FBXL17: variants seen among roughly 807,000 people sequenced by gnomAD.
FBXL17 encodes the protein F-box/LRR-repeat protein 17.
Under a neutral mutation model 66.2 loss-of-function variants are expected in FBXL17, and 22 were observed. That is an observed-to-expected ratio of 0.33 (90% confidence interval 0.24 to 0.47). The LOEUF (loss-of-function observed/expected upper bound fraction) is 0.47. Among genes scored for constraint, FBXL17 ranks in the 20% least tolerant of loss-of-function variants. FBXL17 has a pLI of 1.00. For synonymous variants in FBXL17, 474 were observed against 400.5 expected, an observed-to-expected ratio of 1.18 and a Z score of -2.19; for missense variants, 878 against 948.2, an observed-to-expected ratio of 0.93 and a Z score of 0.97.
At position 108,340,603 on chromosome 5, in the gene FBXL17, T is replaced by C. The variant is rs78750683; in HGVS notation, c.1506+7796A>G. Among the ~76,000 whole-genome samples, 1,205 of 152,246 alleles carry C rather than the reference T, an allele frequency of 7.9e-3. 9 individuals carry two copies. Among genetic ancestry groups the C allele is most frequent in the Middle Eastern group, 0.02 (6 of 294 alleles). ...CATTAGTGACTTTGGCTGGATAAAT[T>C]TGATACATAAAGAATGGCATCATTA... is the stretch of plus-strand genomic sequence containing the variant. On this transcript the variant is annotated intron_variant, in intron 4 of 8. Transcript: ENST00000542267.
chr5:108,257,661 G>A lies in FBXL17; in HGVS notation c.1507-33433C>T, dbSNP rs115334539. ...GAGGCAGTGACTAAATCCTTTCCAG[G>A]TTCACAGATACTAAAGTGGCAGAAC... On this transcript the variant is annotated intron_variant, in intron 4 of 8. Coordinates refer to ENST00000542267, the MANE Select transcript of FBXL17 (RefSeq NM_001163315.3). Among the ~76,000 whole-genome samples the A allele has an allele frequency of 7.2e-3, 1,095 of 152,108 alleles. 10 individuals carry two copies. The highest frequency in any genetic ancestry group is 0.025 in the African/African-American group (1,024 of 41,476).
At chr5:108,273,016 G>C (rs1365749444) in intron 4 of FBXL17, among the ~76,000 whole-genome samples, 1 of 152,092 alleles carries the variant, frequency 6.6e-6, no homozygotes, top group Non-Finnish European at 1.5e-5. Flanking sequence ...GCATCCGGGG[G>C]AGACATCACA....
intron 6 of FBXL17, among the ~76,000 whole-genome samples, chr5:108,054,453 C>T (rs1157977781): frequency 1.3e-5 from 2 of 152,012 alleles, no homozygotes; most frequent in Non-Finnish European, 2.9e-5. Context: ...AGAGTTTCCA[C>T]TGACAGCTCT....
intron 6 of FBXL17, among the ~76,000 whole-genome samples, chr5:108,025,610 A>C (rs1028079325): frequency 6.6e-6 from 1 of 152,050 alleles, no homozygotes; most frequent in South Asian, 2.1e-4. Context: ...TCTTGAAACT[A>C]AACAAGCCAA....
intron 1 of FBXL17, among the ~76,000 whole-genome samples, chr5:108,378,532 G>C (rs1298008404): frequency 6.6e-6 from 1 of 152,102 alleles, no homozygotes; most frequent in Admixed American, 6.5e-5. Flanking sequence ...AAGAAAAATT[G>C]TCATAGCTCC....
intron 4 of FBXL17, among the ~76,000 whole-genome samples, chr5:108,288,888 CTT>C (rs1335370945): frequency 1.3e-5 from 2 of 152,058 alleles, no homozygotes; most frequent in African/African-American, 4.8e-5. Context: ...TTTAAAAACA[CTT>C]TTAATTACTT....
intron 7 of FBXL17, among the ~76,000 whole-genome samples, chr5:107,963,198 G>T (rs1751985486): frequency 6.6e-6 from 1 of 152,086 alleles, no homozygotes; most frequent in Non-Finnish European, 1.5e-5. Context: ...GATTAGTCGA[G>T]GCATTAGAAG....
intron 6 of FBXL17, among the ~76,000 whole-genome samples, chr5:108,141,482 A>G (rs1173985791): frequency 6.6e-6 from 1 of 152,210 alleles, no homozygotes; most frequent in Non-Finnish European, 1.5e-5. Flanking sequence ...GTAACCCCAG[A>G]GTCTCAAACC....
intron 6 of FBXL17, among the ~76,000 whole-genome samples, chr5:108,088,615 C>T (rs1749062230): frequency 7.4e-6 from 1 of 135,802 alleles, no homozygotes; most frequent in Non-Finnish European, 1.5e-5. Flanking sequence ...GCAGGAGAAT[C>T]GCTTAAACTT....
At position 108,332,796 on chromosome 5, in the gene FBXL17, T is replaced by C. The variant is rs148816071; in HGVS notation, c.1506+15603A>G. On this transcript the variant is annotated intron_variant, in intron 4 of 8. Coordinates refer to ENST00000542267, the MANE Select transcript of FBXL17 (RefSeq NM_001163315.3). ...CTAATTCTTGTATTTTTAGTAGAGA[T>C]GGAGTTTCGCCATGTTTGACCAGGC... Among the ~76,000 whole-genome samples, 476 of 151,990 alleles carry C rather than the reference T, an allele frequency of 3.1e-3. 5 individuals carry two copies. Among genetic ancestry groups the C allele is most frequent in the African/African-American group, 0.011 (455 of 41,480 alleles).
chr5:108,127,778 T>C (rs543088408), intron 6 of FBXL17, among the ~76,000 whole-genome samples: 8 of 152,154 alleles, frequency 5.3e-5, no homozygotes, highest in Admixed American at 3.3e-4. Flanking sequence ...ATGAAATTAA[T>C]CTAATAAAAA....
chr5:108,001,688 G>A (rs1753736642), intron 7 of FBXL17, among the ~76,000 whole-genome samples: 1 of 151,898 alleles, frequency 6.6e-6, no homozygotes, highest in Admixed American at 6.6e-5. Flanking sequence ...TTCTAGTAGA[G>A]ACGGGGTCTC....
chr5:108,121,051 C>A (rs778623953), intron 6 of FBXL17, among the ~76,000 whole-genome samples: 1 of 152,072 alleles, frequency 6.6e-6, no homozygotes. Context: ...TCTTTTTGGC[C>A]GAGTGCGGTG....
rs146706696 is a variant in FBXL17 at position 108,259,515 on chromosome 5, C to G, written c.1507-35287G>C. Among the ~76,000 whole-genome samples the G allele has an allele frequency of 6.5e-3, 996 of 152,266 alleles. 9 individuals carry two copies. Among genetic ancestry groups the G allele is most frequent in the African/African-American group, 0.023 (953 of 41,552 alleles). On this transcript the variant is annotated intron_variant, in intron 4 of 8. Transcript: ENST00000542267. ...TGGCTGTACTATCAGGTCTAACACA[C>G]TTAACCTCTCTTAGCCTTTTAGTTT... is the stretch of plus-strand genomic sequence containing the variant.
chr5:108,080,320 C>T (rs1748713422), intron 6 of FBXL17, among the ~76,000 whole-genome samples: 1 of 152,212 alleles, frequency 6.6e-6, no homozygotes, highest in Admixed American at 6.5e-5. Flanking sequence ...GAATTTTCCT[C>T]TGAAATTAAT....
intron 4 of FBXL17, among the ~76,000 whole-genome samples, chr5:108,234,966 G>A (rs1561480214): frequency 6.6e-6 from 1 of 152,152 alleles, no homozygotes; most frequent in African/African-American, 2.4e-5. Flanking sequence ...TTTAAGACTT[G>A]AAGTTTTCTT....
chr5:107,861,652 G>T lies in FBXL17; in HGVS notation c.*68C>A. The T allele has an allele frequency of 2.2e-6, 3 of 1,394,492 alleles. No homozygotes were observed. The highest frequency in any genetic ancestry group is 2.8e-6 in the Non-Finnish European group (3 of 1,055,240). 86.4% of individuals were successfully genotyped at this position (1,394,492 alleles called of 1,614,324 possible). On this transcript the variant is annotated 3_prime_UTR_variant, in exon 9 of 9. Transcript: ENST00000542267. ...CAGTTAAAACCCTTCCGAGAGATCA[G>T]CTCCCCAAATGTACAATTCTCCTCT...
chr5:108,123,010 A>G (rs547965109), intron 6 of FBXL17, among the ~76,000 whole-genome samples: 1 of 151,580 alleles, frequency 6.6e-6, no homozygotes, highest in Non-Finnish European at 1.5e-5. Flanking sequence ...TACAGGCATT[A>G]TTTCTCAGGT....
Position 107,916,961 on chromosome 5 carries a change from T to C in FBXL17, c.1823-35782A>G, listed in dbSNP as rs533395246. On this transcript the variant is annotated intron_variant, in intron 7 of 8. Coordinates refer to ENST00000542267, the MANE Select transcript of FBXL17 (RefSeq NM_001163315.3). ...TGATCAAAGGTGTATCGCTAAGACA[T>C]AGCAACTTTTGGTGAAGAATCCTAC... 2.6e-5 allele frequency among the ~76,000 whole-genome samples: 4 copies of C among 152,206 alleles called. No individual in the cohort carries two copies. In the South Asian group the frequency reaches 8.3e-4, roughly 31 times the overall value.
Sources: gnomAD v4.1 joint callset for allele counts (sites outside exome capture counted in the v4.1 genomes callset) on GRCh38, gnomAD v4.1.1 for gene constraint, MANE v1.5 for transcripts, NCBI Gene and HGNC (gene_info 2026-07-23, HGNC 2026-07-21) for gene names.